The following SBF1 variants were observed in gnomAD, a reference collection of about 807,000 sequenced individuals.
SBF1 encodes the protein SET binding factor 1, also known as myotubularin-related protein 5.
SBF1 carries 65 observed loss-of-function variants against 215.8 expected under a neutral mutation model. That is an observed-to-expected ratio of 0.30 (90% CI 0.25 to 0.37). SBF1 has a LOEUF of 0.37. Ranked by LOEUF, SBF1 falls within the 10% of genes least tolerant of loss-of-function variation. SBF1 has a pLI of 1.00. For missense variants in SBF1, 2,634 were observed against 2,667.8 expected (o/e 0.99, Z 0.28); for synonymous variants, 1,410 against 1,122.8 (o/e 1.26, Z -5.11).
intron 10 of SBF1, 48 bp from the exon 11 acceptor site, chr22:50,465,376 A>C: frequency 6.7e-7 from 1 of 1,494,040 alleles, no homozygotes; most frequent in Non-Finnish European, 9.1e-7. Context: ...GCCAATCCCC[A>C]CCCCAGGCTG....
At chr22:50,458,749 G>A (rs1027505090) in intron 28 of SBF1, among the ~76,000 whole-genome samples, 24 of 152,286 alleles carry the variant, frequency 1.6e-4, no homozygotes, top group Non-Finnish European at 3.4e-4. Flanking sequence ...AGGCCAGCTC[G>A]GGCAAGGCCC....
rs115010488 is a variant in SBF1 at position 50,461,150 on chromosome 22, G to A, written c.2967+9C>T. The A allele has an allele frequency of 4.8e-4, 765 of 1,589,610 alleles. 2 individuals carry two copies. In the African/African-American group the frequency reaches 9.0e-3, roughly 19 times the overall value. On this transcript the variant is annotated intron_variant, in intron 23 of 40. Coordinates refer to ENST00000380817, the MANE Select transcript of SBF1 (RefSeq NM_002972.4). ...GGGATGAGAGCCCCACCCGCGCACC[G>A]CGCCCCACCTGGAATGTGCAGGAGC...
chr22:50,466,190 A>G lies in SBF1; in HGVS notation c.857T>C (p.Ile286Thr), dbSNP rs745384978. 17 of 1,613,532 alleles carry G rather than the reference A, an allele frequency of 1.1e-5. No homozygotes were observed. Among genetic ancestry groups the G allele is most frequent in the East Asian group, 4.5e-5 (2 of 44,878 alleles). ...TGCCTGGAAGGCCGCGTTGACCCCA[A>G]TGATGAAGGGCGTGGGTGTGCTGAG... ...EVLSTPTPFI[I>T]GVNAAFQAET... The change falls in exon 8 of 41, where the codon ATT (isoleucine) becomes ACT (threonine). Residue 286 changes from isoleucine (I) to threonine (T), a missense_variant. Transcript: ENST00000380817.
chr22:50,468,265 C>G, intron 2 of SBF1, 111 bp downstream of exon 2: 1 of 1,063,094 alleles, frequency 9.4e-7, no homozygotes, highest in Non-Finnish European at 1.4e-6. Flanking sequence ...TTGTCCCTAG[C>G]CCAGCGGGGG....
chr22:50,458,305 A>G (rs1401606504), intron 28 of SBF1, among the ~76,000 whole-genome samples: 1 of 47,276 alleles, frequency 2.1e-5, no homozygotes, highest in Admixed American at 2.3e-4. Context: ...ACTCCGACTC[A>G]AAAAAAAAAA....
chr22:50,463,019 AACCACCACAG>A, intron 16 of SBF1, 81 bp from the exon 17 acceptor site: 1 of 1,388,668 alleles, frequency 7.2e-7, no homozygotes, highest in Non-Finnish European at 1.0e-6. Flanking sequence ...ACCACCCCAT[AACCACCACAG>A]ACCAGCACCT....
Position 50,456,480 on chromosome 22 carries a change from C to T in SBF1, c.4086+12G>A. 6.6e-7 allele frequency: 1 copy of T among 1,518,432 alleles called. No homozygotes were observed. Among genetic ancestry groups the T allele is most frequent in the Non-Finnish European group, 8.9e-7 (1 of 1,129,010 alleles). The allele number at this position is 1,518,432 out of a possible 1,614,324, so 94.1% of individuals were successfully genotyped here. A position where few individuals can be genotyped will look rare whatever the true frequency, so the allele number is the denominator to read the frequency against. The stretch of plus-strand genomic sequence containing the variant: ...CCCCACCCTCACCCCCCACCCCCCG[C>T]ACCCCAGTCACCTTGAGCTGGGCTT... On this transcript the variant is annotated intron_variant, in intron 30 of 40. Coordinates refer to ENST00000380817, the MANE Select transcript of SBF1 (RefSeq NM_002972.4).
intron 1 of SBF1, among the ~76,000 whole-genome samples, chr22:50,469,933 G>A (rs1024902508): frequency 2.0e-5 from 3 of 152,180 alleles, no homozygotes; most frequent in Admixed American, 6.5e-5. Flanking sequence ...GCTGCTAAGT[G>A]GGAGATGGTG....
chr22:50,461,382 G>A, intron 22 of SBF1, 96 bp from the exon 23 acceptor site: 13 of 1,514,788 alleles, frequency 8.6e-6, no homozygotes, highest in Non-Finnish European at 1.2e-5. Flanking sequence ...TCCCAAGTGG[G>A]TGGGGAAGGA....
chr22:50,459,525 G>T lies in SBF1; in HGVS notation c.3633C>A (p.Gly1211=), dbSNP rs1453903854. 3.7e-6 allele frequency: 6 copies of T among 1,610,278 alleles called. No homozygotes were observed. In the South Asian group the frequency reaches 6.6e-5, roughly 18 times the overall value. Residue 1211 remains glycine (G), a synonymous_variant, in exon 27 of 41, where the codon GGC becomes GGA. Coordinates refer to ENST00000380817, the MANE Select transcript of SBF1 (RefSeq NM_002972.4). ...GGCCGACGACACCTTTGCCATGCAG[G>T]CCTCCAGAGCGCAGCAGCACCGCCT... ...RSKAVLLRSG[G]LHGKGVVGLF...
At position 50,459,832 on chromosome 22, in the gene SBF1, C is replaced by T. The variant is rs560413434; in HGVS notation, c.3491+120G>A. On this transcript the variant is annotated intron_variant, in intron 26 of 40. Transcript: ENST00000380817. Reference sequence around the variant, plus strand: ...CCCAGCCCTGTGGCCCGTCCCTCTGCCCGGAGTCTCCCCCTCCACATTCCT... The same window carrying T: ...CCCAGCCCTGTGGCCCGTCCCTCTGTCCGGAGTCTCCCCCTCCACATTCCT... 6.5e-6 allele frequency: 9 copies of T among 1,383,242 alleles called. No homozygotes were observed. In the African/African-American group the frequency reaches 9.9e-5, roughly 15 times the overall value. 85.7% of individuals were successfully genotyped at this position (1,383,242 alleles called of 1,614,324 possible).
In SBF1 at chr22:50,455,121, C is replaced by A. The variant is rs1556420180; in HGVS notation, c.4576G>T (p.Glu1526Ter). 6.2e-7 allele frequency: 1 copy of A among 1,614,114 alleles called. No homozygotes were observed. The highest frequency in any genetic ancestry group is 8.5e-7 in the Non-Finnish European group (1 of 1,180,030). ...AGGTAGAACTGGCTGAACTCAAACT[C>A]CATGGGGAACTGCAGGTGGACCTGC... ...VHQVHLQFPM[E>*]FEFSQFYLKF... Residue 1526 changes from glutamate to a stop codon, truncating the protein, a stop_gained, in exon 34 of 41, where the codon GAG becomes TAG. Transcript: ENST00000380817. LOFTEE classifies it high-confidence loss of function.
In SBF1 at chr22:50,467,796, T is replaced by A. The variant is rs1317339826; in HGVS notation, c.269A>T (p.Glu90Val). The change falls in exon 3 of 41, where the codon GAG (glutamate) becomes GTG (valine). Residue 90 changes from glutamate to valine, a missense_variant. Coordinates refer to ENST00000380817, the MANE Select transcript of SBF1 (RefSeq NM_002972.4). The part of the protein sequence containing the change: ...CACLTFWEPA[E>V]PSQETTRVED... ...AGGCCCCAAGCTGACCTGTGAAGGC[T>A]CCGCTGGCTCCCAGAAGGTCAAGCA... is the stretch of plus-strand genomic sequence containing the variant. The A allele has an allele frequency of 2.5e-6, 4 of 1,613,720 alleles. No individual in the cohort carries two copies. The East Asian group carries it at 6.7e-5, about 27-fold the overall frequency.
intron 1 of SBF1, among the ~76,000 whole-genome samples, chr22:50,469,224 C>T (rs1175443816): frequency 6.6e-6 from 1 of 152,198 alleles, no homozygotes; most frequent in Non-Finnish European, 1.5e-5. Flanking sequence ...TGGTCACACC[C>T]AGGCCTGCTC....
rs1275520789 is a variant in SBF1, at chr22:50,446,707, C to A, written c.*435G>T. On this transcript the variant is annotated 3_prime_UTR_variant, in exon 41 of 41. Transcript: ENST00000380817. Reference sequence around the variant, plus strand: ...CCAGGAGAGGCTCACGAGAAAGATGCCAACCTCCCGCCAGGTGGGCCTGGA... The same window carrying A: ...CCAGGAGAGGCTCACGAGAAAGATGACAACCTCCCGCCAGGTGGGCCTGGA... 4.9e-6 allele frequency: 2 copies of A among 408,940 alleles called. No homozygotes were observed. Among genetic ancestry groups the A allele is most frequent in the Non-Finnish European group, 9.8e-6 (2 of 204,928 alleles). The allele number at this position is 408,940 out of a possible 1,614,324, so 25.3% of individuals were successfully genotyped here. A position where few individuals can be genotyped will look rare whatever the true frequency, so the allele number is the denominator to read the frequency against.
rs200220290 is a variant in SBF1 at position 50,461,538 on chromosome 22, G to C, written c.2824C>G (p.Pro942Ala). 2.0e-4 allele frequency: 324 copies of C among 1,600,792 alleles called. 1 individual carries two copies. Among genetic ancestry groups the C allele is most frequent in the Non-Finnish European group, 2.6e-4 (305 of 1,170,892 alleles). Residue 942 changes from proline (P) to alanine (A), a missense_variant, in exon 22 of 41, where the codon CCC (proline) becomes GCC (alanine). Pro to Ala is a conservative substitution (Grantham distance 27). Coordinates refer to ENST00000380817, the MANE Select transcript of SBF1 (RefSeq NM_002972.4). ...TTYRVIFTGM[P>A]TDPLVGEQVV... Reference sequence around the variant, plus strand: ...GCAGGCTCACCCAGGGGGTCCGTGGGCATCCCCGTGAAGATGACCCGGTAC... The same window carrying C: ...GCAGGCTCACCCAGGGGGTCCGTGGCCATCCCCGTGAAGATGACCCGGTAC...
In SBF1 at chr22:50,460,120, G is replaced by A. The variant is rs1485560932; in HGVS notation, c.3323C>T (p.Ser1108Leu). ...CATGCGGTCGGAGGGCTTCAGGGCT[G>A]AGGACGGGGTCAGCGTGCTGGGCTC... is the stretch of plus-strand genomic sequence containing the variant. ...ELEPSTLTPS[S>L]ALKPSDRMTM... Residue 1108 changes from serine (S) to leucine (L), a missense_variant, in exon 26 of 41, where the codon TCA becomes TTA. Transcript: ENST00000380817. The A allele has an allele frequency of 1.9e-6, 3 of 1,613,132 alleles. No homozygotes were observed. Among genetic ancestry groups the A allele is most frequent in the Admixed American group, 1.7e-5 (1 of 60,024 alleles).
At chr22:50,459,691 G>T (rs1343451653) in intron 26 of SBF1, 25 bp from the exon 27 acceptor site, 1 of 1,576,092 alleles carries the variant, frequency 6.3e-7, no homozygotes, top group Non-Finnish European at 8.6e-7. Context: ...AGGCGTGAAG[G>T]TGGCTGGCGA....
intron 36 of SBF1, among the ~76,000 whole-genome samples, chr22:50,453,857 G>C (rs866818596): frequency 2.1e-4 from 32 of 151,318 alleles, no homozygotes; most frequent in Middle Eastern, 3.4e-3. Flanking sequence ...AGGTCCCCCC[G>C]TGGCCTAGGT....
Sources: gnomAD v4.1 joint callset for allele counts (sites outside exome capture counted in the v4.1 genomes callset) on GRCh38, gnomAD v4.1.1 for gene constraint, MANE v1.5 for transcripts, NCBI Gene and HGNC (gene_info 2026-07-23, HGNC 2026-07-21) for gene names.